ABCA12: variants seen among roughly 807,000 people sequenced by gnomAD.
The protein encoded by ABCA12 is glucosylceramide transporter ABCA12.
ABCA12 carries 156 observed loss-of-function variants against 293.5 expected under a neutral mutation model. That is an observed-to-expected ratio of 0.53 (90% CI 0.47 to 0.61). ABCA12 has a LOEUF of 0.61. Ranked by LOEUF, ABCA12 falls within the 20% of genes least tolerant of loss-of-function variation. ABCA12 has a pLI of 0.00. For synonymous variants in ABCA12, 1,063 were observed against 1,108.0 expected (o/e 0.96, Z 0.81); for missense variants, 2,797 against 3,090.2 (o/e 0.91, Z 2.25).
In ABCA12 at chr2:215,099,257, G is replaced by A. The variant is rs558542940; in HGVS notation, c.163+12340C>T. Among the ~76,000 whole-genome samples, 85 of 152,306 alleles carry A rather than the reference G, an allele frequency of 5.6e-4. 1 individual carries two copies. The highest frequency in any genetic ancestry group is 1.9e-3 in the African/African-American group (81 of 41,578). On this transcript the variant is annotated intron_variant, in intron 2 of 52. Transcript: ENST00000272895. The stretch of plus-strand genomic sequence containing the variant: ...CCTCCCACCAACTGTCAGTGCCAAC[G>A]CACCAGCCATGTGAGCTATCCACCT...
intron 49 of ABCA12, among the ~76,000 whole-genome samples, chr2:214,944,462 C>CAA (rs1246046500): frequency 6.6e-6 from 1 of 151,174 alleles, no homozygotes; most frequent in Non-Finnish European, 1.5e-5. Flanking sequence ...AAAGCACAGC[C>CAA]AAAGAAGGGG....
chr2:214,958,907 C>G lies in ABCA12; in HGVS notation c.5939+117G>C. ...TTTGATCCCAGTCAGTGACATATTA[C>G]CAGCCCTTCTAGATTGACATTCATT... On this transcript the variant is annotated intron_variant, in intron 40 of 52. Transcript: ENST00000272895. 3.5e-6 allele frequency: 4 copies of G among 1,129,884 alleles called. No individual in the cohort carries two copies. The African/African-American group carries it at 4.6e-5, about 13-fold the overall frequency. 70.0% of individuals were successfully genotyped at this position (1,129,884 alleles called of 1,614,324 possible). A position where few individuals can be genotyped will look rare whatever the true frequency, so the allele number is the denominator to read the frequency against.
intron 7 of ABCA12, among the ~76,000 whole-genome samples, 189 bp from the exon 8 acceptor site, chr2:215,037,254 C>G (rs1389089803): frequency 6.6e-6 from 1 of 152,138 alleles, no homozygotes; most frequent in Non-Finnish European, 1.5e-5. Flanking sequence ...ATATTCTTAA[C>G]CAGACAGAGC....
In ABCA12 at chr2:214,999,704, C is replaced by T. The variant is rs766047323; in HGVS notation, c.3179+1001G>A. 2.3e-4 allele frequency: 134 copies of T among 593,064 alleles called. 1 individual carries two copies. Among genetic ancestry groups the T allele is most frequent in the Non-Finnish European group, 2.8e-4 (132 of 471,984 alleles). 36.7% of individuals were successfully genotyped at this position (593,064 alleles called of 1,614,324 possible). A position where few individuals can be genotyped will look rare whatever the true frequency, so the allele number is the denominator to read the frequency against. On this transcript the variant is annotated intron_variant, in intron 22 of 52. Coordinates refer to ENST00000272895, the MANE Select transcript of ABCA12 (RefSeq NM_173076.3). ...TTTGTGCAAACCATTGCAGTTCACA[C>T]ATAGTTCGGGCAGCACAGTCCCGTC...
intron 49 of ABCA12, among the ~76,000 whole-genome samples, chr2:214,943,288 C>T (rs892695599): frequency 7.9e-5 from 12 of 151,864 alleles, no homozygotes; most frequent in Non-Finnish European, 1.3e-4. Context: ...CAGATGTGCA[C>T]GACATCTGGC....
intron 2 of ABCA12, among the ~76,000 whole-genome samples, chr2:215,099,289 C>A (rs1241704550): frequency 1.3e-5 from 2 of 152,236 alleles, no homozygotes; most frequent in Non-Finnish European, 2.9e-5. Flanking sequence ...ACCTTGGAAA[C>A]AGATCTTCCA....
At position 215,049,730 on chromosome 2, in the gene ABCA12, A is replaced by C. The variant is rs375309525; in HGVS notation, c.589T>G (p.Phe197Val). 3.1e-6 allele frequency: 5 copies of C among 1,613,574 alleles called. No individual in the cohort carries two copies. In the African/African-American group the frequency reaches 6.7e-5, roughly 22 times the overall value. The change falls in exon 6 of 53, where the codon TTC becomes GTC. Residue 197 changes from phenylalanine to valine, a missense_variant. Coordinates refer to ENST00000272895, the MANE Select transcript of ABCA12 (RefSeq NM_173076.3). ...TTTCTTCCTAGAAAGGTCCAAGAGA[A>C]GGCATCATCCACAATGTATCCTGAA... ...SYSGYIVDDA[F>V]SWTFLGRNVF...
In ABCA12 at chr2:214,982,272, C is replaced by A. The variant is rs1559129034; in HGVS notation, c.4494G>T (p.Arg1498Ser). The A allele has an allele frequency of 6.2e-7, 1 of 1,613,856 alleles. No individual in the cohort carries two copies. Residue 1498 changes from arginine to serine, a missense_variant, in exon 30 of 53, where the codon AGG becomes AGT. By Grantham distance (110) the Arg-to-Ser change is moderately radical. Coordinates refer to ENST00000272895, the MANE Select transcript of ABCA12 (RefSeq NM_173076.3). ...TAGATGGTTCATCCAAAATTACTACCCTTGATCCACCAATGAGAGCTATGG... is the reference window on the plus strand; with the variant it reads ...TAGATGGTTCATCCAAAATTACTACACTTGATCCACCAATGAGAGCTATGG... ...SISIALIGGSRVVILDEPSTG... is the reference protein window; with the variant it reads ...SISIALIGGSSVVILDEPSTG...
intron 7 of ABCA12, among the ~76,000 whole-genome samples, chr2:215,039,341 A>C (rs1701050430): frequency 6.6e-6 from 1 of 152,232 alleles, no homozygotes; most frequent in African/African-American, 2.4e-5. Context: ...GTGATAAAAT[A>C]CAGTCATTTG....
Position 214,983,788 on chromosome 2 carries a change from T to G in ABCA12, c.4241A>C (p.His1414Pro), listed in dbSNP as rs1324699120. ...VYGKDIKTDL[H>P]TVRKNMGVCM... The stretch of plus-strand genomic sequence containing the variant: ...GACTCCCATGTTCTTCCGTACCGTG[T>G]GTAGGTCTGTTTTGATATCTTTTCC... The change falls in exon 29 of 53, where the codon CAC becomes CCC. Residue 1414 changes from histidine to proline, a missense_variant. Physicochemically the swap from His to Pro is moderately conservative, Grantham distance 77 (BLOSUM62 -2). Transcript: ENST00000272895. The G allele has an allele frequency of 6.2e-7, 1 of 1,614,018 alleles. No homozygotes were observed. The highest frequency in any genetic ancestry group is 1.3e-5 in the African/African-American group (1 of 74,924).
rs1703275050 is a variant in ABCA12, at chr2:215,138,273, GC to G, written c.-66del. On this transcript the variant is annotated 5_prime_UTR_variant, in exon 1 of 53. Transcript: ENST00000272895. The stretch of plus-strand genomic sequence containing the variant: ...TCCACTCCACAAATGAAGAACTGAT[GC>G]CCCGTCCAACTTGCTGTATGTCAGT... The G allele has an allele frequency of 6.4e-7, 1 of 1,551,462 alleles. No individual in the cohort carries two copies. The highest frequency in any genetic ancestry group is 1.4e-5 in the African/African-American group (1 of 73,726).
intron 15 of ABCA12, chr2:215,013,534 T>C (rs1700421359): frequency 6.5e-6 from 1 of 154,310 alleles, no homozygotes; most frequent in Non-Finnish European, 1.5e-5. Flanking sequence ...GAACCAACAT[T>C]TTTTTCTATT....
chr2:215,093,483 T>G (rs1180313626), intron 2 of ABCA12, among the ~76,000 whole-genome samples: 1 of 152,156 alleles, frequency 6.6e-6, no homozygotes, highest in Admixed American at 6.5e-5. Context: ...TCTTTTTCAT[T>G]ACACACAGCC....
chr2:215,071,532 C>G (rs1464677403), intron 2 of ABCA12, among the ~76,000 whole-genome samples: 11 of 152,114 alleles, frequency 7.2e-5, no homozygotes, highest in Non-Finnish European at 1.5e-5. Flanking sequence ...AGGAAAGAGA[C>G]TGAGAATTTG....
At chr2:215,018,218 A>G in intron 13 of ABCA12, 86 bp from the exon 14 acceptor site, 1 of 1,529,766 alleles carries the variant, frequency 6.5e-7, no homozygotes, top group Non-Finnish European at 8.8e-7. Context: ...GAAACCTTCT[A>G]GACTAAGACA....
rs1054401313 is a variant in ABCA12, at chr2:215,074,213, T to C, written c.164-9994A>G. On this transcript the variant is annotated intron_variant, in intron 2 of 52. Transcript: ENST00000272895. ...GATGCCTGGAATTGAAAAGTTGTTT[T>C]TCCCCCTCTCAGGAAGAAACGTCTT... Among the ~76,000 whole-genome samples the C allele has an allele frequency of 8.1e-4, 123 of 152,186 alleles. 1 individual carries two copies. Among genetic ancestry groups the C allele is most frequent in the Non-Finnish European group, 3.4e-4 (23 of 68,032 alleles).
chr2:215,087,864 A>G (rs1702072619), intron 2 of ABCA12, among the ~76,000 whole-genome samples: 1 of 152,234 alleles, frequency 6.6e-6, no homozygotes, highest in Admixed American at 6.5e-5. Context: ...CAATTATTTG[A>G]ATTCAGATAT....
chr2:215,108,042 C>T (rs759767689), intron 2 of ABCA12, among the ~76,000 whole-genome samples: 5 of 152,196 alleles, frequency 3.3e-5, no homozygotes, highest in Non-Finnish European at 7.3e-5. Flanking sequence ...CTCTCCAGCA[C>T]ACCCATGATC....
chr2:215,091,088 C>T (rs1702132314), intron 2 of ABCA12, among the ~76,000 whole-genome samples: 1 of 151,880 alleles, frequency 6.6e-6, no homozygotes, highest in African/African-American at 2.4e-5. Flanking sequence ...CACATTGGTC[C>T]CTCCCTAGTC....
Sources: allele counts gnomAD v4.1 joint callset (sites outside exome capture counted in the v4.1 genomes callset), GRCh38; gene constraint gnomAD v4.1.1; transcripts MANE v1.5; gene names NCBI Gene and HGNC (gene_info 2026-07-23, HGNC 2026-07-21).